LINGO2: variants seen among roughly 807,000 people sequenced by gnomAD.
The protein encoded by LINGO2 is leucine rich repeat and Ig domain containing 2, also known as leucine-rich repeat and immunoglobulin-like domain-containing nogo receptor-interacting protein 2.
A neutral mutation model predicts 30.6 loss-of-function variants in LINGO2; 14 were observed. That is an observed-to-expected ratio of 0.46 (90% CI 0.30 to 0.72). The LOEUF is 0.72. Among genes scored for constraint, LINGO2 ranks in the 30% least tolerant of loss-of-function variants. The probability of loss-of-function intolerance (pLI) is 0.07; values close to 1 mark genes in which losing one functional copy is unlikely to be tolerated. For missense variants in LINGO2, 729 were observed against 751.7 expected, an observed-to-expected ratio of 0.97 and a Z score of 0.35; for synonymous variants, 317 against 288.5, an observed-to-expected ratio of 1.10 and a Z score of -1.00.
At chr9:28,144,089 G>T (rs1052550757) in intron 4 of LINGO2, among the ~76,000 whole-genome samples, 2 of 151,990 alleles carry the variant, frequency 1.3e-5, no homozygotes, top group African/African-American at 2.4e-5. Flanking sequence ...TAGATAAATG[G>T]TTGAACAGAC....
At chr9:28,441,097 G>GC (rs1824174220) in intron 2 of LINGO2, among the ~76,000 whole-genome samples, 1 of 151,896 alleles carries the variant, frequency 6.6e-6, no homozygotes, top group Non-Finnish European at 1.5e-5. Context: ...CCCTCTCACA[G>GC]TTTTTTTCTA....
chr9:28,042,484 GTT>G (rs1824238508), intron 4 of LINGO2, among the ~76,000 whole-genome samples: 1 of 152,132 alleles, frequency 6.6e-6, no homozygotes, highest in African/African-American at 2.4e-5. Flanking sequence ...ATGGCATACT[GTT>G]TTGAGTTTTG....
At chr9:28,233,107 T>TG (rs1365512102) in intron 4 of LINGO2, among the ~76,000 whole-genome samples, 118 of 144,626 alleles carry the variant, frequency 8.2e-4, no homozygotes, top group Middle Eastern at 3.6e-3. Flanking sequence ...TATATGTGTG[T>TG]GGGGGGGTCT....
At chr9:27,948,465 G>C (rs1823454358) in exon 6 of LINGO2, 1 of 177,046 alleles carries the variant, frequency 5.6e-6, no homozygotes, top group South Asian at 1.6e-4. Context: ...GTATGTTTTA[G>C]ACAAATGTGT....
At chr9:28,989,337 ACT>A in the LINGO2 span, among the ~76,000 whole-genome samples, 1 of 152,214 alleles carries the variant, frequency 6.6e-6, no homozygotes, top group African/African-American at 2.4e-5. Context: ...TCTTAATAAA[ACT>A]CTGTGAACAT....
intron 4 of LINGO2, among the ~76,000 whole-genome samples, chr9:28,209,421 C>A (rs1011552980): frequency 6.6e-6 from 1 of 151,802 alleles, no homozygotes; most frequent in African/African-American, 2.4e-5. Context: ...TCTTTTCATA[C>A]TGCAGGTGGT....
chr9:28,070,134 A>C (rs796681336), intron 4 of LINGO2, among the ~76,000 whole-genome samples: 4 of 152,134 alleles, frequency 2.6e-5, no homozygotes, highest in Non-Finnish European at 4.4e-5. Flanking sequence ...TAACTCAATA[A>C]GAGTTACCCA....
At chr9:29,129,437 A>T in the LINGO2 span, among the ~76,000 whole-genome samples, 1 of 152,126 alleles carries the variant, frequency 6.6e-6, no homozygotes, top group Non-Finnish European at 1.5e-5. Flanking sequence ...TATCTAGGTC[A>T]TTTCCCTTAA....
intron 4 of LINGO2, among the ~76,000 whole-genome samples, chr9:28,048,831 CATAT>C (rs1054037786): frequency 6.7e-6 from 1 of 150,128 alleles, no homozygotes; most frequent in Non-Finnish European, 1.5e-5. Flanking sequence ...AAAATAGCAA[CATAT>C]ATATGTAACT....
chr9:28,343,846 G>C (rs1436007112), intron 3 of LINGO2, among the ~76,000 whole-genome samples: 1 of 152,080 alleles, frequency 6.6e-6, no homozygotes, highest in Non-Finnish European at 1.5e-5. Flanking sequence ...GCGACATTAA[G>C]TTTGGAGAGA....
At chr9:28,028,469 TC>T (rs1225059419) in intron 4 of LINGO2, among the ~76,000 whole-genome samples, 85 of 152,256 alleles carry the variant, frequency 5.6e-4, no homozygotes, top group African/African-American at 2.0e-3. Flanking sequence ...CTATACTTGC[TC>T]ATATACAAAT....
At chr9:28,955,519 A>T in the LINGO2 span, among the ~76,000 whole-genome samples, 2 of 151,996 alleles carry the variant, frequency 1.3e-5, no homozygotes, top group African/African-American at 4.8e-5. Flanking sequence ...AAGAAGATAG[A>T]CCTAGGAATC....
At chr9:28,003,131 A>G (rs1238800124) in intron 5 of LINGO2, among the ~76,000 whole-genome samples, 1 of 152,204 alleles carries the variant, frequency 6.6e-6, no homozygotes, top group African/African-American at 2.4e-5. Flanking sequence ...TGATGTGGTA[A>G]GAAAGCATTA....
the LINGO2 span, among the ~76,000 whole-genome samples, chr9:28,676,860 T>G: frequency 6.6e-6 from 1 of 152,244 alleles, no homozygotes; most frequent in South Asian, 2.1e-4. Flanking sequence ...CTTTTAAAAG[T>G]TGAAATTCTC....
At chr9:28,895,121 A>G in the LINGO2 span, among the ~76,000 whole-genome samples, 1 of 152,100 alleles carries the variant, frequency 6.6e-6, no homozygotes, top group Non-Finnish European at 1.5e-5. Context: ...ACTATTTCAA[A>G]CTTCATAGGT....
the LINGO2 span, among the ~76,000 whole-genome samples, chr9:29,038,673 G>GAAATAAAAAAAAAAA: frequency 7.9e-6 from 1 of 126,086 alleles, no homozygotes; most frequent in Non-Finnish European, 1.6e-5. Context: ...TCACTACTCA[G>GAAATAAAAAAAAAAA]AAAAAAAAAA....
At chr9:28,167,143 C>G (rs991894684) in intron 4 of LINGO2, among the ~76,000 whole-genome samples, 15 of 138,654 alleles carry the variant, frequency 1.1e-4, no homozygotes, top group South Asian at 8.0e-4. Context: ...TATAGCACCC[C>G]CCCCCCCCAC....
chr9:28,337,258 A>G (rs1825621395), intron 3 of LINGO2, among the ~76,000 whole-genome samples: 1 of 151,236 alleles, frequency 6.6e-6, no homozygotes, highest in Non-Finnish European at 1.5e-5. Flanking sequence ...GGTAATTGCT[A>G]GGTTGTGGTA....
the LINGO2 span, among the ~76,000 whole-genome samples, chr9:29,167,336 T>G: frequency 1.2e-4 from 19 of 152,236 alleles, 1 homozygote; most frequent in African/African-American, 4.6e-4. Flanking sequence ...AGCACTTCTG[T>G]TTTCGTACTT....
Sources: allele counts gnomAD v4.1 joint callset (sites outside exome capture counted in the v4.1 genomes callset), GRCh38; gene constraint gnomAD v4.1.1; transcripts MANE v1.5; gene names NCBI Gene and HGNC (gene_info 2026-07-23, HGNC 2026-07-21).